ATAD5: variants seen among roughly 807,000 people sequenced by gnomAD.
ATAD5 encodes ATPase family AAA domain-containing protein 5.
In ATAD5, 58 loss-of-function variants were observed where a neutral mutation model predicts 176.9. That is an observed-to-expected ratio of 0.33 (90% confidence interval 0.27 to 0.41). ATAD5 has a LOEUF of 0.41. ATAD5 is among the 10% of genes least tolerant of loss of function. The pLI is 1.00. For missense variants in ATAD5, 1,789 were observed against 2,094.1 expected, an observed-to-expected ratio of 0.85 and a Z score of 2.84; for synonymous variants, 640 against 712.6, an observed-to-expected ratio of 0.90 and a Z score of 1.62.
chr17:30,852,764 C>T lies in ATAD5; in HGVS notation c.2451-2379C>T, dbSNP rs369305894. ...CAGCCTCTTTTAAACAACCATCTCT[C>T]GGGTGAACTAATAGATGGAGAAGTT... is the stretch of plus-strand genomic sequence containing the variant. On this transcript the variant is annotated intron_variant, in intron 6 of 22. Coordinates refer to ENST00000321990, the MANE Select transcript of ATAD5 (RefSeq NM_024857.5). Among the ~76,000 whole-genome samples, 13 of 152,008 alleles carry T rather than the reference C, an allele frequency of 8.6e-5. No individual in the cohort carries two copies. In the South Asian group the frequency reaches 1.4e-3, roughly 17 times the overall value.
intron 14 of ATAD5, among the ~76,000 whole-genome samples, chr17:30,873,010 T>C (rs1371702566): frequency 6.6e-6 from 1 of 151,834 alleles, no homozygotes; most frequent in Non-Finnish European, 1.5e-5. Flanking sequence ...TGTTGCATCA[T>C]GACAAAAGTC....
chr17:30,855,274 A>G lies in ATAD5; in HGVS notation c.2582A>G (p.Asn861Ser), dbSNP rs1054639600. 4 of 1,611,964 alleles carry G rather than the reference A, an allele frequency of 2.5e-6. No homozygotes were observed. In the Middle Eastern group the frequency reaches 5.0e-4, roughly 200 times the overall value. ...AKKAAALDVY[N>S]AVSTSFQRVV... ...AAAGCTGCTGCGCTGGATGTGTACA[A>G]TGCAGTGAGTACCAGTTTCCAGAGA... Residue 861 changes from asparagine to serine, a missense_variant, in exon 7 of 23, where the codon AAT (asparagine) becomes AGT (serine). Asn to Ser is a conservative substitution (Grantham distance 46). This residue lies in a region of ATAD5 where 487 missense variants were observed against 573.6 expected (regional missense o/e 0.85). Transcript: ENST00000321990.
At position 30,835,832 on chromosome 17, in the gene ATAD5, G is replaced by A; in HGVS notation, c.1751G>A (p.Ser584Asn). ...LTQSKAESEA[S>N]LLNVSTPKST... ...CAGTCTAAAGCTGAATCTGAAGCCA[G>A]CTTGCTAAATGTTTCCACGCCCAAG... The change falls in exon 2 of 23, where the codon AGC becomes AAC. Residue 584 changes from serine (S) to asparagine (N), a missense_variant. Ser to Asn is a conservative substitution (Grantham distance 46). Transcript: ENST00000321990. 6.2e-7 allele frequency: 1 copy of A among 1,613,378 alleles called. No individual in the cohort carries two copies. Among genetic ancestry groups the A allele is most frequent in the Non-Finnish European group, 8.5e-7 (1 of 1,179,836 alleles).
Position 30,893,574 on chromosome 17 carries a change from A to G in ATAD5, c.4721A>G (p.Asp1574Gly). 6.2e-7 allele frequency: 1 copy of G among 1,613,764 alleles called. No individual in the cohort carries two copies. The highest frequency in any genetic ancestry group is 8.5e-7 in the Non-Finnish European group (1 of 1,179,830). The change falls in exon 21 of 23, where the codon GAT (aspartate) becomes GGT (glycine). Residue 1574 changes from aspartate to glycine, a missense_variant. By Grantham distance (94) the Asp-to-Gly change is moderately conservative (BLOSUM62 -1). Around this residue, in one of 6 missense-constraint regions of ATAD5, gnomAD observed 403 missense variants for 495.1 expected, o/e 0.81. Coordinates refer to ENST00000321990, the MANE Select transcript of ATAD5 (RefSeq NM_024857.5). ...CAAAAGAAAACATTGGTAATATTAG[A>G]TGATAGTGATCTATTTGACACTGAC... ...KKQKKTLVILDDSDLFDTDLD... is the reference protein window; with the variant it reads ...KKQKKTLVILGDSDLFDTDLD...
rs1905732414 is a variant in ATAD5, at chr17:30,836,169, G to T, written c.1967+121G>T. On this transcript the variant is annotated intron_variant, in intron 2 of 22. Coordinates refer to ENST00000321990, the MANE Select transcript of ATAD5 (RefSeq NM_024857.5). ...AGAACACAGCTGTTTAAAAGAAAAA[G>T]AACAGGATTTCTTTTTTTTTTTTCT... 7 of 852,404 alleles carry T rather than the reference G, an allele frequency of 8.2e-6. No individual in the cohort carries two copies. In the South Asian group the frequency reaches 8.5e-5, roughly 10 times the overall value. 52.8% of individuals were successfully genotyped at this position (852,404 alleles called of 1,614,324 possible).
At chr17:30,860,341 G>C (rs1173599301) in intron 9 of ATAD5, 92 bp from the exon 10 acceptor site, 11 of 1,423,080 alleles carry the variant, frequency 7.7e-6, no homozygotes, top group Non-Finnish European at 1.0e-5. Flanking sequence ...GCATTTTAAA[G>C]TTACAAGACT....
Position 30,843,969 on chromosome 17 carries a change from TC to T in ATAD5, c.2299del (p.Gln767ArgfsTer7). 1 of 1,546,006 alleles carries T rather than the reference TC, an allele frequency of 6.5e-7. No homozygotes were observed. The highest frequency in any genetic ancestry group is 1.9e-5 in the Admixed American group (1 of 51,328). On this transcript the variant is annotated frameshift_variant, in exon 5 of 23. Transcript: ENST00000321990. LOFTEE classifies it high-confidence loss of function. ...PTALKHPEKNQKKLQCLNDVL... is the reference protein window; with the variant it reads ...PTALKHPEKNXKKLQCLNDVL... ...CTGCTTTAAAGCATCCAGAGAAAAA[TC>T]AGAAGAAACTTCAGTGTTTGAATGA...
intron 1 of ATAD5, 149 bp from the exon 2 acceptor site, chr17:30,833,999 C>T (rs1458774410): frequency 1.5e-6 from 1 of 677,864 alleles, no homozygotes; most frequent in African/African-American, 1.9e-5. Context: ...ACTTTAAAGC[C>T]TATTTTCTTT....
At chr17:30,837,117 C>A in intron 2 of ATAD5, 89 bp from the exon 3 acceptor site, 1 of 737,846 alleles carries the variant, frequency 1.4e-6, no homozygotes, top group Non-Finnish European at 2.1e-6. Flanking sequence ...GATGCCACTG[C>A]ACCAGCTCTA....
At position 30,835,391 on chromosome 17, in the gene ATAD5, T is replaced by G. The variant is rs1396689738; in HGVS notation, c.1310T>G (p.Val437Gly). Residue 437 changes from valine (V) to glycine (G), a missense_variant, in exon 2 of 23, where the codon GTA becomes GGA. Around this residue, in one of 6 missense-constraint regions of ATAD5, gnomAD observed 696 missense variants for 712.5 expected, o/e 0.98. Coordinates refer to ENST00000321990, the MANE Select transcript of ATAD5 (RefSeq NM_024857.5). ...CTTAATGAAAAATGTCTATATGAAG[T>G]AGGAAGAGATGATAATTCTAAAAAA... ...KDLNEKCLYE[V>G]GRDDNSKKIM... The G allele has an allele frequency of 3.7e-6, 6 of 1,609,564 alleles. No homozygotes were observed. The East Asian group carries it at 1.3e-4, about 36-fold the overall frequency.
intron 6 of ATAD5, among the ~76,000 whole-genome samples, chr17:30,850,395 C>G (rs1440158493): frequency 1.4e-5 from 2 of 147,618 alleles, no homozygotes; most frequent in African/African-American, 2.5e-5. Flanking sequence ...GCAACTTGCT[C>G]TGTTGCCCAG....
At chr17:30,852,248 C>T (rs1021443674) in intron 6 of ATAD5, among the ~76,000 whole-genome samples, 2 of 151,976 alleles carry the variant, frequency 1.3e-5, no homozygotes, top group Non-Finnish European at 2.9e-5. Context: ...TTAATTTGGC[C>T]AGTGTGAGCT....
intron 10 of ATAD5, chr17:30,864,639 T>C (rs2142384549): frequency 6.6e-6 from 1 of 152,318 alleles, no homozygotes; most frequent in African/African-American, 2.4e-5. Context: ...GCTGGGATTA[T>C]AAGTGTGAGC....
intron 18 of ATAD5, among the ~76,000 whole-genome samples, chr17:30,884,463 C>CTGT (rs1202426110): frequency 1.9e-5 from 2 of 103,858 alleles, no homozygotes; most frequent in African/African-American, 7.9e-5. Context: ...TAGTCTTGCT[C>CTGT]TGTCACCTGG....
In ATAD5 at chr17:30,860,423, C is replaced by T. The variant is rs1907556241; in HGVS notation, c.2957-10C>T. 1 of 1,579,348 alleles carries T rather than the reference C, an allele frequency of 6.3e-7. No homozygotes were observed. The highest frequency in any genetic ancestry group is 8.5e-7 in the Non-Finnish European group (1 of 1,171,606). On this transcript the variant is annotated splice_polypyrimidine_tract_variant and intron_variant, in intron 9 of 22. Transcript: ENST00000321990. ...AGTAAGCACATGCACTTCTTTAATTCCCAAAGCAGAACTGGAGGCTGATGT... is the reference window on the plus strand; with the variant it reads ...AGTAAGCACATGCACTTCTTTAATTTCCAAAGCAGAACTGGAGGCTGATGT...
chr17:30,892,294 G>C (rs140087525), intron 19 of ATAD5, among the ~76,000 whole-genome samples: 1 of 151,748 alleles, frequency 6.6e-6, no homozygotes, highest in East Asian at 2.0e-4. Flanking sequence ...GTGTGGTAGC[G>C]CGTGCCTGTA....
In ATAD5 at chr17:30,894,974, A is replaced by G. The variant is rs1598005833; in HGVS notation, c.*61A>G. ...TGTGGTCCTTAAGATACATTTTTATATTATGTGGATCTTCATGGAAAAGTA... is the reference window on the plus strand; with the variant it reads ...TGTGGTCCTTAAGATACATTTTTATGTTATGTGGATCTTCATGGAAAAGTA... On this transcript the variant is annotated 3_prime_UTR_variant, in exon 23 of 23. Transcript: ENST00000321990. 4 of 1,104,408 alleles carry G rather than the reference A, an allele frequency of 3.6e-6. No individual in the cohort carries two copies. The East Asian group carries it at 1.0e-4, about 28-fold the overall frequency. The allele number at this position is 1,104,408 out of a possible 1,614,324, so 68.4% of individuals were successfully genotyped here.
At chr17:30,851,862 A>T (rs1249770165) in intron 6 of ATAD5, among the ~76,000 whole-genome samples, 1 of 152,178 alleles carries the variant, frequency 6.6e-6, no homozygotes, top group African/African-American at 2.4e-5. Flanking sequence ...GATTACAGGC[A>T]TGAGCTATCT....
chr17:30,889,268 G>A (rs558949446), intron 19 of ATAD5, among the ~76,000 whole-genome samples: 1 of 149,954 alleles, frequency 6.7e-6, no homozygotes, highest in Admixed American at 6.7e-5. Flanking sequence ...GAACTCCTGG[G>A]CTCAAGCGAT....
Sources: allele counts gnomAD v4.1 joint callset (sites outside exome capture counted in the v4.1 genomes callset), GRCh38; gene constraint gnomAD v4.1.1; regional missense constraint gnomAD v4.1.1; transcripts MANE v1.5; gene names NCBI Gene and HGNC (gene_info 2026-07-23, HGNC 2026-07-21).